DLG2: variants seen among roughly 807,000 people sequenced by gnomAD.
DLG2 encodes the protein disks large homolog 2.
DLG2 carries 45 observed loss-of-function variants against 132.5 expected under a neutral mutation model. The ratio of observed to expected loss-of-function variants is 0.34; its 90% CI spans 0.27 to 0.44. DLG2 has a LOEUF of 0.44. DLG2 is among the 20% of genes least tolerant of loss of function. The pLI, the probability that DLG2 is intolerant of heterozygous loss-of-function variation, is 1.00. For synonymous variants in DLG2, 424 were observed against 419.6 expected (o/e 1.01, Z -0.13); for missense variants, 1,045 against 1,196.9 (o/e 0.87, Z 1.87).
At chr11:83,795,144 G>A (rs756659221) in intron 17 of DLG2, among the ~76,000 whole-genome samples, 8 of 152,180 alleles carry the variant, frequency 5.3e-5, no homozygotes, top group South Asian at 2.1e-4. Context: ...CGGTGCTCAC[G>A]CCTGTAATCC....
chr11:85,286,012 G>C (rs2152761484), intron 3 of DLG2: 2 of 360,104 alleles, frequency 5.6e-6, no homozygotes, highest in South Asian at 4.2e-5. Flanking sequence ...AAGATGAAAT[G>C]CAGACTGTTA....
At chr11:84,607,955 CTG>C (rs1346654939) in intron 6 of DLG2, among the ~76,000 whole-genome samples, 2 of 152,156 alleles carry the variant, frequency 1.3e-5, no homozygotes, top group African/African-American at 4.8e-5. Flanking sequence ...ACCAGTCTCT[CTG>C]AACAGCTTTT....
chr11:85,559,513 A>G (rs1014637497), intron 3 of DLG2, among the ~76,000 whole-genome samples: 6 of 151,562 alleles, frequency 4.0e-5, no homozygotes, highest in Non-Finnish European at 8.8e-5. Context: ...ACAGTATCTC[A>G]CTTCAAAACC....
chr11:83,725,012 G>A, intron 18 of DLG2: 1 of 667,588 alleles, frequency 1.5e-6, no homozygotes, highest in Non-Finnish European at 2.7e-6. Context: ...GCCAAAGCCT[G>A]TTAGGAGTGA....
At chr11:83,900,132 G>A (rs2073004531) in intron 15 of DLG2, among the ~76,000 whole-genome samples, 1 of 152,168 alleles carries the variant, frequency 6.6e-6, no homozygotes, top group Non-Finnish European at 1.5e-5. Flanking sequence ...AGATGATTTA[G>A]GGTATCTGGC....
At chr11:83,956,605 G>A (rs2086919852) in intron 14 of DLG2, among the ~76,000 whole-genome samples, 1 of 152,194 alleles carries the variant, frequency 6.6e-6, no homozygotes, top group Admixed American at 6.5e-5. Flanking sequence ...TAGACAGGGT[G>A]CCCCTACCGC....
At chr11:85,568,756 C>T (rs889789007) in intron 3 of DLG2, among the ~76,000 whole-genome samples, 2 of 151,938 alleles carry the variant, frequency 1.3e-5, no homozygotes, top group Non-Finnish European at 2.9e-5. Context: ...CATTGTAAAG[C>T]TCACACTTTC....
At chr11:85,081,745 C>T (rs2154171978) in intron 6 of DLG2, among the ~76,000 whole-genome samples, 1 of 152,206 alleles carries the variant, frequency 6.6e-6, no homozygotes, top group Middle Eastern at 3.4e-3. Context: ...CCAGAATTGC[C>T]CTCCAATATT....
chr11:85,552,927 G>A (rs527422304), intron 3 of DLG2, among the ~76,000 whole-genome samples: 3 of 151,472 alleles, frequency 2.0e-5, no homozygotes, highest in African/African-American at 4.8e-5. Flanking sequence ...CAAATCTCAC[G>A]CAAAAAATTA....
chr11:84,109,182 C>T (rs755841803), intron 9 of DLG2, among the ~76,000 whole-genome samples: 5 of 152,054 alleles, frequency 3.3e-5, no homozygotes, highest in Non-Finnish European at 4.4e-5. Context: ...TTAGACCTTA[C>T]AATTGCCTAC....
At chr11:85,377,111 G>A (rs1400056891) in intron 3 of DLG2, among the ~76,000 whole-genome samples, 1 of 152,092 alleles carries the variant, frequency 6.6e-6, no homozygotes, top group Non-Finnish European at 1.5e-5. Context: ...TATAAACTGT[G>A]TCTGGCTATA....
At chr11:84,800,789 G>A (rs2075274587) in intron 6 of DLG2, 1 of 152,164 alleles carries the variant, frequency 6.6e-6, no homozygotes, top group African/African-American at 2.4e-5. Context: ...TTGACAAACG[G>A]ATTTTAACAA....
intron 4 of DLG2, among the ~76,000 whole-genome samples, chr11:85,160,976 A>T (rs1233921700): frequency 2.6e-5 from 4 of 152,166 alleles, no homozygotes; most frequent in Non-Finnish European, 5.9e-5. Flanking sequence ...GGAAGGAGAA[A>T]TGACCAGATG....
At chr11:83,733,512 G>C (rs1012686977) in intron 18 of DLG2, among the ~76,000 whole-genome samples, 3 of 152,180 alleles carry the variant, frequency 2.0e-5, no homozygotes, top group African/African-American at 7.2e-5. Context: ...GTGTTAAATA[G>C]TGCTCAGGTG....
At chr11:84,256,947 A>G (rs1416773488) in intron 7 of DLG2, among the ~76,000 whole-genome samples, 1 of 152,208 alleles carries the variant, frequency 6.6e-6, no homozygotes, top group East Asian at 1.9e-4. Flanking sequence ...CACAATTCAC[A>G]CAGAAGATTT....
intron 10 of DLG2, among the ~76,000 whole-genome samples, chr11:84,065,534 C>G (rs1830097926): frequency 6.6e-6 from 1 of 152,088 alleles, no homozygotes; most frequent in African/African-American, 2.4e-5. Flanking sequence ...TCACACCAAT[C>G]TGAATGACTA....
chr11:83,787,210 G>C (rs2040169555), intron 17 of DLG2, among the ~76,000 whole-genome samples: 2 of 151,480 alleles, frequency 1.3e-5, no homozygotes, highest in African/African-American at 4.9e-5. Context: ...ATGAGATTCT[G>C]GGGACATGGT....
chr11:85,241,857 C>A (rs2075895798), intron 4 of DLG2, among the ~76,000 whole-genome samples: 2 of 151,896 alleles, frequency 1.3e-5, no homozygotes, highest in African/African-American at 2.4e-5. Flanking sequence ...GTTTGGGTTA[C>A]AAAACATCTC....
chr11:84,727,710 T>C (rs913950880), intron 6 of DLG2, among the ~76,000 whole-genome samples: 3 of 152,166 alleles, frequency 2.0e-5, no homozygotes, highest in African/African-American at 7.2e-5. Context: ...TTTCCCAATA[T>C]TGATTAATTC....
Sources: gnomAD v4.1 joint callset for allele counts (sites outside exome capture counted in the v4.1 genomes callset) on GRCh38, gnomAD v4.1.1 for gene constraint, MANE v1.5 for transcripts, NCBI Gene and HGNC (gene_info 2026-07-23, HGNC 2026-07-21) for gene names.